Variants in ARMC8 observed in about 807,000 individuals in gnomAD.
The protein encoded by ARMC8 is armadillo repeat containing 8.
In ARMC8, 20 loss-of-function variants were observed where a neutral mutation model predicts 99.3. The ratio of observed to expected loss-of-function variants is 0.20; its 90% CI spans 0.14 to 0.29. ARMC8 has a LOEUF of 0.29. ARMC8 is among the 10% of genes least tolerant of loss of function. The pLI is 1.00. For synonymous variants in ARMC8, 263 were observed against 278.3 expected, an observed-to-expected ratio of 0.95 and a Z score of 0.55; for missense variants, 569 against 809.5, an observed-to-expected ratio of 0.70 and a Z score of 3.60.
chr3:138,274,427 T>C (rs767591358), intron 17 of ARMC8, 22 bp from the exon 18 acceptor site: 1 of 1,476,094 alleles, frequency 6.8e-7, no homozygotes, highest in African/African-American at 1.4e-5. Flanking sequence ...TTGATAATTA[T>C]GGATTTCCCA....
intron 16 of ARMC8, among the ~76,000 whole-genome samples, chr3:138,272,363 A>G (rs888675421): frequency 1.3e-5 from 2 of 152,182 alleles, no homozygotes; most frequent in Admixed American, 1.3e-4. Context: ...CCATAAAGAT[A>G]TTCTCAAAAG....
At chr3:138,287,711 G>C in intron 19 of ARMC8, 1 of 456,600 alleles carries the variant, frequency 2.2e-6, no homozygotes, top group Non-Finnish European at 4.4e-6. Context: ...TTCTACTGGA[G>C]GAAGCCACAT....
intron 7 of ARMC8, among the ~76,000 whole-genome samples, chr3:138,235,568 C>A (rs1400763926): frequency 6.6e-6 from 1 of 152,162 alleles, no homozygotes; most frequent in Admixed American, 6.5e-5. Context: ...CCAGACTTAA[C>A]TAATTACGTT....
intron 1 of ARMC8, among the ~76,000 whole-genome samples, chr3:138,201,429 C>T (rs1443217449): frequency 3.4e-5 from 4 of 119,110 alleles, no homozygotes; most frequent in Non-Finnish European, 7.0e-5. Flanking sequence ...TTGTCTTCTT[C>T]CCCTCCCTTT....
At chr3:138,292,379 G>C (rs768404708) in intron 21 of ARMC8, among the ~76,000 whole-genome samples, 5 of 152,204 alleles carry the variant, frequency 3.3e-5, no homozygotes, top group African/African-American at 4.8e-5. Context: ...GTGACTTACA[G>C]AGAACCATCT....
In ARMC8 at chr3:138,289,049, G is replaced by T. The variant is rs761854872; in HGVS notation, c.1823G>T (p.Gly608Val). ...DILQKIKYYM[G>V]HSHVKLQLAA... ...TTTTTTCTTTTTCTGTATTAATAGG[G>T]CCATTCACATGTTAAACTGCAGCTT... The change falls in exon 20 of 22, where the codon GGC (glycine) becomes GTC (valine). Residue 608 changes from glycine to valine, a missense_variant and splice_region_variant. Gly to Val is a moderately radical substitution (Grantham distance 109, BLOSUM62 -3). Transcript: ENST00000469044. 1.9e-6 allele frequency: 3 copies of T among 1,611,648 alleles called. No homozygotes were observed. In the Admixed American group the frequency reaches 5.0e-5, roughly 27 times the overall value.
At chr3:138,273,425 T>G (rs1236948171) in intron 17 of ARMC8, among the ~76,000 whole-genome samples, 1 of 152,222 alleles carries the variant, frequency 6.6e-6, no homozygotes, top group Non-Finnish European at 1.5e-5. Context: ...TGGTATGCTG[T>G]CCAGGATGGA....
intron 1 of ARMC8, among the ~76,000 whole-genome samples, chr3:138,205,094 A>G (rs1200304590): frequency 1.7e-5 from 2 of 119,080 alleles, no homozygotes; most frequent in Non-Finnish European, 3.3e-5. Flanking sequence ...TTTGAGGTGA[A>G]GTCTCACTCT....
At chr3:138,267,986 T>G (rs1428185872) in intron 15 of ARMC8, among the ~76,000 whole-genome samples, 2 of 152,140 alleles carry the variant, frequency 1.3e-5, no homozygotes, top group East Asian at 3.9e-4. Context: ...TTCATGCGTG[T>G]AAACCCAGCA....
chr3:138,257,536 G>A (rs1219176667), intron 12 of ARMC8, among the ~76,000 whole-genome samples: 1 of 152,060 alleles, frequency 6.6e-6, no homozygotes, highest in Non-Finnish European at 1.5e-5. Context: ...GGTTGTATAT[G>A]CCTATTTCAT....
intron 1 of ARMC8, among the ~76,000 whole-genome samples, chr3:138,189,169 C>T (rs73227557): frequency 3.0e-4 from 45 of 152,094 alleles, no homozygotes; most frequent in Non-Finnish European, 5.6e-4. Context: ...TGTTTCACTT[C>T]CTTGGTAAAT....
intron 11 of ARMC8, among the ~76,000 whole-genome samples, chr3:138,244,133 T>C (rs1425785663): frequency 1.3e-5 from 2 of 152,166 alleles, no homozygotes; most frequent in African/African-American, 4.8e-5. Context: ...GCTGATAATT[T>C]TGATAATGTT....
At chr3:138,288,254 A>G (rs1333496696) in intron 19 of ARMC8, among the ~76,000 whole-genome samples, 2 of 152,184 alleles carry the variant, frequency 1.3e-5, no homozygotes, top group African/African-American at 4.8e-5. Flanking sequence ...TTCTTCCCCA[A>G]AGGAATTATT....
At chr3:138,255,840 C>T (rs1489253191) in intron 12 of ARMC8, among the ~76,000 whole-genome samples, 9 of 152,106 alleles carry the variant, frequency 5.9e-5, no homozygotes, top group South Asian at 2.1e-4. Context: ...ATTAGCTGGG[C>T]GTGGTGGCAT....
chr3:138,215,744 G>T (rs2044990638), intron 2 of ARMC8, among the ~76,000 whole-genome samples: 1 of 152,018 alleles, frequency 6.6e-6, no homozygotes, highest in Middle Eastern at 3.2e-3. Context: ...TAATTTCGGA[G>T]CCAGTATTTA....
chr3:138,263,672 C>A, intron 12 of ARMC8, 67 bp from the exon 13 acceptor site: 1 of 1,285,210 alleles, frequency 7.8e-7, no homozygotes, highest in Non-Finnish European at 1.1e-6. Context: ...AACATACTTG[C>A]ATTTACAAGC....
At chr3:138,272,719 A>C (rs1352157074) in intron 16 of ARMC8, among the ~76,000 whole-genome samples, 1 of 152,154 alleles carries the variant, frequency 6.6e-6, no homozygotes, top group Non-Finnish European at 1.5e-5. Context: ...TACTAAAGAT[A>C]CAAAAATTAG....
intron 5 of ARMC8, among the ~76,000 whole-genome samples, chr3:138,226,719 T>C (rs1026636437): frequency 2.6e-5 from 4 of 152,150 alleles, no homozygotes; most frequent in Admixed American, 2.0e-4. Flanking sequence ...AGGGGAGAAG[T>C]TGATCCTGGC....
intron 1 of ARMC8, among the ~76,000 whole-genome samples, chr3:138,200,939 G>T (rs1348772130): frequency 1.9e-5 from 2 of 106,506 alleles, no homozygotes; most frequent in South Asian, 3.4e-4. Context: ...TTGAAATGGA[G>T]TCTCCCTCTG....
Sources: allele counts gnomAD v4.1 joint callset (sites outside exome capture counted in the v4.1 genomes callset), GRCh38; gene constraint gnomAD v4.1.1; transcripts MANE v1.5; gene names NCBI Gene and HGNC (gene_info 2026-07-23, HGNC 2026-07-21).